The following DLG2 variants were observed in gnomAD, a reference collection of about 807,000 sequenced individuals.
DLG2 encodes disks large homolog 2.
DLG2 carries 45 observed loss-of-function variants against 132.5 expected under a neutral mutation model. The observed-to-expected ratio is 0.34, with a 90% CI of 0.27 to 0.44. The LOEUF (loss-of-function observed/expected upper bound fraction) is 0.44, where lower values mean the gene tolerates loss of function less well. Among genes scored for constraint, DLG2 ranks in the 20% least tolerant of loss-of-function variants. The pLI is 1.00. For missense variants in DLG2, 1,045 were observed against 1,196.9 expected, an observed-to-expected ratio of 0.87 and a Z score of 1.87; for synonymous variants, 424 against 419.6, an observed-to-expected ratio of 1.01 and a Z score of -0.13.
chr11:83,683,186 G>T (rs893752780), intron 18 of DLG2, among the ~76,000 whole-genome samples: 2 of 152,094 alleles, frequency 1.3e-5, no homozygotes, highest in Non-Finnish European at 2.9e-5. Context: ...AATATGTTTT[G>T]GATAATAATA....
At chr11:85,547,044 T>C (rs1328069849) in intron 3 of DLG2, among the ~76,000 whole-genome samples, 2 of 152,120 alleles carry the variant, frequency 1.3e-5, no homozygotes, top group Non-Finnish European at 2.9e-5. Context: ...AATCCCTCCA[T>C]TATGATGCCA....
intron 6 of DLG2, among the ~76,000 whole-genome samples, chr11:85,072,790 T>C (rs951726930): frequency 2.0e-5 from 3 of 151,880 alleles, no homozygotes; most frequent in Admixed American, 6.6e-5. Flanking sequence ...CAGTTGTCTT[T>C]AGCAACATAT....
intron 14 of DLG2, among the ~76,000 whole-genome samples, chr11:83,956,238 G>T (rs1347676162): frequency 6.6e-6 from 1 of 152,114 alleles, no homozygotes; most frequent in South Asian, 2.1e-4. Context: ...GATGCTGGAC[G>T]AGAGCTTGGG....
At chr11:85,519,493 C>T (rs981301132) in intron 3 of DLG2, among the ~76,000 whole-genome samples, 7 of 152,138 alleles carry the variant, frequency 4.6e-5, no homozygotes, top group Admixed American at 2.0e-4. Context: ...TCTGTACTTA[C>T]CCAATACCTG....
intron 10 of DLG2, among the ~76,000 whole-genome samples, chr11:84,063,235 C>T (rs967795549): frequency 6.6e-6 from 1 of 152,190 alleles, no homozygotes; most frequent in Non-Finnish European, 1.5e-5. Flanking sequence ...TATTCATCTG[C>T]AGCAATTTCA....
chr11:83,895,708 C>T (rs1596081793), intron 15 of DLG2, among the ~76,000 whole-genome samples: 2 of 152,176 alleles, frequency 1.3e-5, no homozygotes, highest in East Asian at 3.9e-4. Flanking sequence ...GGACTTATCT[C>T]ATGCACACTC....
intron 6 of DLG2, among the ~76,000 whole-genome samples, chr11:84,738,883 C>A (rs2064217706): frequency 6.6e-6 from 1 of 151,866 alleles, no homozygotes; most frequent in African/African-American, 2.4e-5. Context: ...AATGTATAAA[C>A]AAAACAAGAT....
chr11:85,026,121 T>C (rs1183794593), intron 6 of DLG2, among the ~76,000 whole-genome samples: 1 of 152,006 alleles, frequency 6.6e-6, no homozygotes, highest in African/African-American at 2.4e-5. Flanking sequence ...ATTTACATAT[T>C]TGAACATAAG....
At chr11:85,110,399 C>G (rs1456892395) in intron 6 of DLG2, among the ~76,000 whole-genome samples, 1 of 152,028 alleles carries the variant, frequency 6.6e-6, no homozygotes, top group Non-Finnish European at 1.5e-5. Flanking sequence ...GCCTGGGCAA[C>G]AGAGTAAAAC....
chr11:85,498,231 G>A (rs982391064), intron 3 of DLG2, among the ~76,000 whole-genome samples: 1 of 152,094 alleles, frequency 6.6e-6, no homozygotes, highest in Admixed American at 6.6e-5. Context: ...AGGGATGGAG[G>A]AAGATCTACA....
intron 6 of DLG2, among the ~76,000 whole-genome samples, chr11:84,721,703 G>A (rs1026898999): frequency 2.0e-5 from 3 of 152,226 alleles, no homozygotes; most frequent in African/African-American, 7.2e-5. Flanking sequence ...ATGCCTCACA[G>A]ATGGTTGGTA....
chr11:84,440,597 C>T (rs1490051474), intron 7 of DLG2, among the ~76,000 whole-genome samples: 2 of 152,144 alleles, frequency 1.3e-5, no homozygotes, highest in Non-Finnish European at 2.9e-5. Context: ...ATTTGCAGCT[C>T]TGCTGTATAA....
At chr11:84,242,920 T>C (rs563339796) in intron 8 of DLG2, among the ~76,000 whole-genome samples, 1 of 151,086 alleles carries the variant, frequency 6.6e-6, no homozygotes, top group East Asian at 1.9e-4. Flanking sequence ...GATTTGAAAA[T>C]AGTCAACTTA....
chr11:84,862,147 T>A (rs1280333772), intron 6 of DLG2, among the ~76,000 whole-genome samples: 1 of 151,998 alleles, frequency 6.6e-6, no homozygotes, highest in African/African-American at 2.4e-5. Context: ...GTAACTAACC[T>A]GCACATTGTG....
chr11:83,829,071 A>G (rs1338868550), intron 17 of DLG2, among the ~76,000 whole-genome samples: 1 of 152,156 alleles, frequency 6.6e-6, no homozygotes, highest in Non-Finnish European at 1.5e-5. Flanking sequence ...GACCAAAGAC[A>G]TATCCTCCAG....
At chr11:84,122,274 C>T (rs942706306) in intron 9 of DLG2, among the ~76,000 whole-genome samples, 1 of 152,032 alleles carries the variant, frequency 6.6e-6, no homozygotes, top group Non-Finnish European at 1.5e-5. Context: ...GAGCCAAGAT[C>T]GCGTCACTGC....
chr11:84,240,895 T>A (rs1350157417), intron 8 of DLG2, among the ~76,000 whole-genome samples: 3 of 152,154 alleles, frequency 2.0e-5, no homozygotes, highest in Non-Finnish European at 4.4e-5. Context: ...GAGAAGATAA[T>A]GCTACCAGCA....
intron 4 of DLG2, among the ~76,000 whole-genome samples, chr11:85,256,227 GAGA>G (rs1204604854): frequency 2.6e-5 from 4 of 152,280 alleles, no homozygotes; most frequent in African/African-American, 9.6e-5. Context: ...AAGACCAGAA[GAGA>G]AGGAGTGAAG....
chr11:83,850,441 C>T (rs1386472936), intron 16 of DLG2, among the ~76,000 whole-genome samples: 2 of 152,150 alleles, frequency 1.3e-5, no homozygotes, highest in Non-Finnish European at 2.9e-5. Context: ...TCATGAGCCA[C>T]CGCGGCAGCC....
Sources: allele counts gnomAD v4.1 joint callset (sites outside exome capture counted in the v4.1 genomes callset), GRCh38; gene constraint gnomAD v4.1.1; transcripts MANE v1.5; gene names NCBI Gene and HGNC (gene_info 2026-07-23, HGNC 2026-07-21).